The following PDGFD variants were observed in gnomAD, a reference collection of about 807,000 sequenced individuals.
PDGFD encodes the protein platelet-derived growth factor D.
PDGFD carries 30 observed loss-of-function variants against 44.7 expected under a neutral mutation model. That is an observed-to-expected ratio of 0.67 (90% CI 0.50 to 0.91). PDGFD has a LOEUF of 0.91. Ranked by LOEUF, PDGFD falls within the 40% of genes least tolerant of loss-of-function variation. The pLI, the probability that PDGFD is intolerant of heterozygous loss-of-function variation, is 0.00. For synonymous variants in PDGFD, 173 were observed against 168.4 expected (o/e 1.03, Z -0.21); for missense variants, 445 against 457.8 (o/e 0.97, Z 0.25).
At chr11:103,950,286 C>T (rs1463457628) in intron 3 of PDGFD, among the ~76,000 whole-genome samples, 5 of 151,484 alleles carry the variant, frequency 3.3e-5, no homozygotes, top group Admixed American at 6.6e-5. Context: ...TGGTGGCTCA[C>T]GCTTGTAATC....
chr11:104,059,835 A>G (rs1000697698), intron 1 of PDGFD, among the ~76,000 whole-genome samples: 2 of 152,230 alleles, frequency 1.3e-5, no homozygotes, highest in Admixed American at 6.5e-5. Context: ...ACAGGATCTT[A>G]GCTTATATAT....
Position 104,011,698 on chromosome 11 carries a change from T to C in PDGFD, c.125-11443A>G, listed in dbSNP as rs140473031. 2.0e-4 allele frequency among the ~76,000 whole-genome samples: 30 copies of C among 152,208 alleles called. 1 individual carries two copies. In the East Asian group the frequency reaches 4.8e-3, roughly 24 times the overall value. On this transcript the variant is annotated intron_variant, in intron 1 of 6. Coordinates refer to ENST00000393158, the MANE Select transcript of PDGFD (RefSeq NM_025208.5). ...AATATATGGATGAATTATAATGTAT[T>C]TGGATAGCTGTCACTTGTAAAACAT... is the stretch of plus-strand genomic sequence containing the variant.
intron 1 of PDGFD, among the ~76,000 whole-genome samples, chr11:104,158,835 C>A (rs900303077): frequency 2.0e-5 from 3 of 151,090 alleles, no homozygotes; most frequent in Non-Finnish European, 4.4e-5. Flanking sequence ...ATAGTTATAG[C>A]AGGGGTTAGC....
intron 3 of PDGFD, among the ~76,000 whole-genome samples, chr11:103,966,358 A>C (rs1222351032): frequency 1.3e-5 from 2 of 152,208 alleles, no homozygotes; most frequent in Non-Finnish European, 2.9e-5. Context: ...CAATTTCTAC[A>C]GTTGTTATTC....
chr11:104,000,866 G>C (rs1390369637), intron 1 of PDGFD, among the ~76,000 whole-genome samples: 2 of 152,150 alleles, frequency 1.3e-5, no homozygotes, highest in Non-Finnish European at 2.9e-5. Context: ...TATGCTGTTA[G>C]CCAGATAAAA....
chr11:104,113,120 A>G (rs12295533), intron 1 of PDGFD, among the ~76,000 whole-genome samples: 15,884 of 152,242 alleles, frequency 0.1, 939 homozygotes, highest in East Asian at 0.31. Context: ...AGAAGAGGCC[A>G]TTCGAAAAAT....
intron 1 of PDGFD, among the ~76,000 whole-genome samples, chr11:104,027,451 C>T (rs1437798410): frequency 1.3e-5 from 2 of 152,168 alleles, no homozygotes; most frequent in African/African-American, 2.4e-5. Context: ...ATTTACAAGA[C>T]AAATTCAAAT....
At chr11:103,994,937 TA>T (rs1859514095) in intron 3 of PDGFD, among the ~76,000 whole-genome samples, 2 of 151,608 alleles carry the variant, frequency 1.3e-5, no homozygotes, top group Admixed American at 1.3e-4. Flanking sequence ...TAGACTGCAG[TA>T]GTGTAGTCAT....
intron 5 of PDGFD, among the ~76,000 whole-genome samples, chr11:103,927,767 T>G (rs968833646): frequency 2.6e-5 from 4 of 152,238 alleles, no homozygotes; most frequent in African/African-American, 9.6e-5. Flanking sequence ...GGAGCCGCAG[T>G]AAAGTTACAA....
intron 1 of PDGFD, among the ~76,000 whole-genome samples, chr11:104,107,654 ACT>A (rs1861490549): frequency 6.6e-6 from 1 of 152,226 alleles, no homozygotes; most frequent in African/African-American, 2.4e-5. Context: ...AGAATATGAC[ACT>A]GTTTTTCACC....
At chr11:103,921,603 GT>G (rs1306772970) in intron 6 of PDGFD, among the ~76,000 whole-genome samples, 12 of 141,060 alleles carry the variant, frequency 8.5e-5, no homozygotes, top group Non-Finnish European at 1.5e-4. Context: ...CCACTGAAAA[GT>G]AAAAAAAAAA....
At chr11:104,000,573 T>C (rs1441542225) in intron 1 of PDGFD, among the ~76,000 whole-genome samples, 2 of 90,456 alleles carry the variant, frequency 2.2e-5, no homozygotes, top group East Asian at 2.5e-4. Flanking sequence ...GGTAACCTTC[T>C]GCCTTCTATT....
intron 5 of PDGFD, among the ~76,000 whole-genome samples, chr11:103,931,212 A>T (rs1211372650): frequency 6.6e-6 from 1 of 152,236 alleles, no homozygotes; most frequent in Non-Finnish European, 1.5e-5. Flanking sequence ...TATACAAGTT[A>T]CCTGTTCTGG....
In PDGFD at chr11:103,927,145, A is replaced by G; in HGVS notation, c.773-19T>C. 1.2e-6 allele frequency: 2 copies of G among 1,604,682 alleles called. No homozygotes were observed. Among genetic ancestry groups the G allele is most frequent in the East Asian group, 4.5e-5 (2 of 44,862 alleles). On this transcript the variant is annotated intron_variant, in intron 5 of 6. Coordinates refer to ENST00000393158, the MANE Select transcript of PDGFD (RefSeq NM_025208.5). Reference sequence around the variant, plus strand: ...AGGTCAACTGTAAGCAAATACATGCACTGTGTAAGCAAACACAACAGTAAG... The same window carrying G: ...AGGTCAACTGTAAGCAAATACATGCGCTGTGTAAGCAAACACAACAGTAAG...
chr11:104,061,356 A>G (rs1004455326), intron 1 of PDGFD, among the ~76,000 whole-genome samples: 1 of 152,292 alleles, frequency 6.6e-6, no homozygotes, highest in Non-Finnish European at 1.5e-5. Context: ...AAAGCTAGTC[A>G]CAGAGTAAGA....
In PDGFD at chr11:104,041,693, G is replaced by C. The variant is rs80183427; in HGVS notation, c.125-41438C>G. Among the ~76,000 whole-genome samples the C allele has an allele frequency of 3.8e-3, 582 of 152,252 alleles. 9 individuals are homozygous for C. Among genetic ancestry groups the C allele is most frequent in the African/African-American group, 0.013 (545 of 41,546 alleles). On this transcript the variant is annotated intron_variant, in intron 1 of 6. Transcript: ENST00000393158. ...ATGTATTTCAAGATTACCAGCAACA[G>C]ATTCTGCTGCAGTTAAACCAGAAGA...
At chr11:104,152,091 T>A (rs999808075) in intron 1 of PDGFD, among the ~76,000 whole-genome samples, 3 of 152,186 alleles carry the variant, frequency 2.0e-5, no homozygotes, top group African/African-American at 7.2e-5. Context: ...TGGTGCCTCA[T>A]CCAGAGCACT....
intron 1 of PDGFD, among the ~76,000 whole-genome samples, chr11:104,066,059 C>G (rs964158291): frequency 6.6e-6 from 1 of 151,902 alleles, no homozygotes; most frequent in Non-Finnish European, 1.5e-5. Flanking sequence ...CACATACTGA[C>G]AAGATATAAA....
intron 1 of PDGFD, among the ~76,000 whole-genome samples, chr11:104,011,671 A>G (rs1859789138): frequency 1.3e-5 from 2 of 152,168 alleles, no homozygotes; most frequent in Admixed American, 1.3e-4. Context: ...CTTTGGTAGC[A>G]TAATATATGG....
Sources: allele counts gnomAD v4.1 joint callset (sites outside exome capture counted in the v4.1 genomes callset), GRCh38; gene constraint gnomAD v4.1.1; transcripts MANE v1.5; gene names NCBI Gene and HGNC (gene_info 2026-07-23, HGNC 2026-07-21).